Variants in LRRC74A observed in about 807,000 individuals in gnomAD.
The protein encoded by LRRC74A is leucine-rich repeat-containing protein 74A.
LRRC74A carries 44 observed loss-of-function variants against 57.9 expected under a neutral mutation model. The observed-to-expected ratio is 0.76, with a 90% CI of 0.60 to 0.98. The LOEUF is 0.98. Ranked by LOEUF, LRRC74A falls within the 50% of genes least tolerant of loss-of-function variation. The pLI, the probability that LRRC74A is intolerant of heterozygous loss-of-function variation, is 0.00. For missense variants in LRRC74A, 572 were observed against 574.0 expected (o/e 1.00, Z 0.04); for synonymous variants, 211 against 219.4 (o/e 0.96, Z 0.34).
rs1417558277 is a variant in LRRC74A at position 76,832,670 on chromosome 14, G to T, written c.339+1295G>T. Among the ~76,000 whole-genome samples, 8 of 152,280 alleles carry T rather than the reference G, an allele frequency of 5.3e-5. No homozygotes were observed. The South Asian group carries it at 1.7e-3, about 32-fold the overall frequency. On this transcript the variant is annotated intron_variant, in intron 3 of 13. Coordinates refer to ENST00000689127, the MANE Select transcript of LRRC74A (RefSeq NM_001385106.1). ...GGCTGAAAAATTAGGATCATTGATT[G>T]GTCGGGACAAGGGGGATTAAATCAT...
chr14:76,846,394 C>A (rs1238940225), intron 7 of LRRC74A, among the ~76,000 whole-genome samples: 1 of 152,148 alleles, frequency 6.6e-6, no homozygotes, highest in Non-Finnish European at 1.5e-5. Context: ...TGCAGAAATT[C>A]CCTCCCATCA....
chr14:76,847,787 G>C (rs1040486706), intron 7 of LRRC74A, among the ~76,000 whole-genome samples: 11 of 152,104 alleles, frequency 7.2e-5, no homozygotes, highest in African/African-American at 2.7e-4. Context: ...AGTGGCTCAT[G>C]CCTGTAATCC....
At chr14:76,868,543 T>C (rs1019534086) in intron 13 of LRRC74A, among the ~76,000 whole-genome samples, 1 of 152,188 alleles carries the variant, frequency 6.6e-6, no homozygotes, top group South Asian at 2.1e-4. Flanking sequence ...ACTCCAGGCC[T>C]GAGGGGTCCA....
chr14:76,861,058 G>T (rs1333994258), intron 11 of LRRC74A, among the ~76,000 whole-genome samples: 1 of 152,210 alleles, frequency 6.6e-6, no homozygotes, highest in Non-Finnish European at 1.5e-5. Flanking sequence ...GAAGGGAAGG[G>T]CTGAGATCTA....
chr14:76,867,366 TC>T lies in LRRC74A; in HGVS notation c.1324del (p.Leu442Ter). On this transcript the variant is annotated frameshift_variant, in exon 13 of 14. Coordinates refer to ENST00000689127, the MANE Select transcript of LRRC74A (RefSeq NM_001385106.1). LOFTEE classifies it high-confidence loss of function. ...CATCCACCTCCTCAGCAAAACAAGGTCCCCCTGAACCAGTACCAGGTCAGGG... is the reference window on the plus strand; with the variant it reads ...CATCCACCTCCTCAGCAAAACAAGGTCCCCTGAACCAGTACCAGGTCAGGG... ...FQKVMIEQNKVPLNQYQVREV... is the reference protein window; with the variant it reads ...FQKVMIEQNKXPLNQYQVREV... 2 of 1,566,694 alleles carry T rather than the reference TC, an allele frequency of 1.3e-6. No homozygotes were observed. Among genetic ancestry groups the T allele is most frequent in the Non-Finnish European group, 1.8e-6 (2 of 1,139,030 alleles).
intron 10 of LRRC74A, among the ~76,000 whole-genome samples, chr14:76,860,397 C>T (rs1250491370): frequency 6.6e-6 from 1 of 152,214 alleles, no homozygotes; most frequent in African/African-American, 2.4e-5. Flanking sequence ...CACTCCAAAG[C>T]TGTAAATCAT....
intron 8 of LRRC74A, among the ~76,000 whole-genome samples, chr14:76,852,830 G>A (rs961647432): frequency 1.3e-5 from 2 of 152,044 alleles, no homozygotes; most frequent in South Asian, 4.2e-4. Flanking sequence ...TGTTGGCCAG[G>A]CTGGTCTCGA....
intron 11 of LRRC74A, among the ~76,000 whole-genome samples, chr14:76,863,505 G>A (rs147950746): frequency 1.6e-3 from 251 of 152,184 alleles, no homozygotes; most frequent in African/African-American, 5.9e-3. Flanking sequence ...CCGTTCTCAG[G>A]TCTCTACACA....
At chr14:76,842,009 G>A (rs1468874434) in intron 5 of LRRC74A, among the ~76,000 whole-genome samples, 1 of 152,048 alleles carries the variant, frequency 6.6e-6, no homozygotes, top group Non-Finnish European at 1.5e-5. Context: ...ACTGTGCCCA[G>A]CCCCAGGTCT....
intron 11 of LRRC74A, among the ~76,000 whole-genome samples, chr14:76,863,674 G>C (rs896011101): frequency 6.6e-6 from 1 of 152,194 alleles, no homozygotes; most frequent in African/African-American, 2.4e-5. Flanking sequence ...CAAAGTAGCT[G>C]GGCAAGGTTC....
intron 5 of LRRC74A, among the ~76,000 whole-genome samples, chr14:76,842,677 ATT>A: frequency 6.6e-6 from 1 of 152,082 alleles, no homozygotes; most frequent in African/African-American, 2.4e-5. Flanking sequence ...TCATTCATTC[ATT>A]CATTCATTCA....
intron 11 of LRRC74A, 71 bp from the exon 12 acceptor site, chr14:76,865,897 G>T (rs1898742928): frequency 5.0e-6 from 6 of 1,207,180 alleles, no homozygotes; most frequent in Non-Finnish European, 7.2e-6. Flanking sequence ...TCTTTTGTGG[G>T]AGGGAAGGGG....
chr14:76,852,407 A>G lies in LRRC74A; in HGVS notation c.719A>G (p.Asn240Ser). Residue 240 changes from asparagine (N) to serine (S), a missense_variant, in exon 8 of 14, where the codon AAC (asparagine) becomes AGC (serine). Physicochemically the swap from Asn to Ser is conservative, Grantham distance 46. Coordinates refer to ENST00000689127, the MANE Select transcript of LRRC74A (RefSeq NM_001385106.1). ...GLTSLDLSWN[N>S]FHTRGAVALC... is the part of the protein sequence containing the mutation. The stretch of plus-strand genomic sequence containing the variant: ...ACGTCACTGGATCTGAGCTGGAATA[A>G]CTTCCACACAAGGGGAGCTGTGGCC... 3 of 1,612,354 alleles carry G rather than the reference A, an allele frequency of 1.9e-6. No homozygotes were observed. Among genetic ancestry groups the G allele is most frequent in the Non-Finnish European group, 2.5e-6 (3 of 1,179,038 alleles).
rs771394586 is a variant in LRRC74A at position 76,866,092 on chromosome 14, T to C, written c.1308+17T>C. On this transcript the variant is annotated intron_variant, in intron 12 of 13. Transcript: ENST00000689127. ...ATGATAGAGGTGTGCTGGGTCCTAG[T>C]GGCAACAGGCTGTGTGTGAGTGTGA... 1 of 1,482,650 alleles carries C rather than the reference T, an allele frequency of 6.7e-7. No individual in the cohort carries two copies. The highest frequency in any genetic ancestry group is 1.9e-5 in the Admixed American group (1 of 53,662). The allele number at this position is 1,482,650 out of a possible 1,614,324, so 91.8% of individuals were successfully genotyped here. A position where few individuals can be genotyped will look rare whatever the true frequency, so the allele number is the denominator to read the frequency against.
intron 13 of LRRC74A, among the ~76,000 whole-genome samples, 157 bp downstream of exon 13, chr14:76,867,595 C>T (rs370133182): frequency 5.3e-5 from 8 of 152,138 alleles, no homozygotes; most frequent in South Asian, 2.1e-4. Flanking sequence ...TGTCTACCCC[C>T]CTTCTCATCC....
Position 76,853,324 on chromosome 14 carries a change from G to A in LRRC74A, c.871G>A (p.Asp291Asn), listed in dbSNP as rs769387837. The A allele has an allele frequency of 1.2e-6, 2 of 1,613,250 alleles. No individual in the cohort carries two copies. The highest frequency in any genetic ancestry group is 1.7e-6 in the Non-Finnish European group (2 of 1,179,640). ...LRLNRCLVYL[D>N]IGGNDIGNEG... is the part of the protein sequence containing the mutation. The stretch of plus-strand genomic sequence containing the variant: ...ACTCAACCGCTGCCTGGTCTACCTG[G>A]ATATCGGTGGCAATGACATCGGCAA... The change falls in exon 9 of 14, where the codon GAT becomes AAT. Residue 291 changes from aspartate (D) to asparagine (N), a missense_variant. Asp to Asn is a conservative substitution (Grantham distance 23). Transcript: ENST00000689127.
chr14:76,854,554 C>T (rs534257898), intron 9 of LRRC74A, among the ~76,000 whole-genome samples: 27 of 152,116 alleles, frequency 1.8e-4, no homozygotes, highest in African/African-American at 6.3e-4. Context: ...TGCAGTGAGC[C>T]GAGACCATGC....
At chr14:76,864,532 A>G (rs1708838370) in intron 11 of LRRC74A, among the ~76,000 whole-genome samples, 1 of 152,060 alleles carries the variant, frequency 6.6e-6, no homozygotes, top group South Asian at 2.1e-4. Flanking sequence ...AGAAAAAAAA[A>G]TACTTAAAAA....
In LRRC74A at chr14:76,843,287, CAAAAAAAAAAAAAA is replaced by C. The variant is rs59087508; in HGVS notation, c.545-1113_545-1100del. On this transcript the variant is annotated intron_variant, in intron 5 of 13. Coordinates refer to ENST00000689127, the MANE Select transcript of LRRC74A (RefSeq NM_001385106.1). Reference sequence around the variant, plus strand: ...TGGGTGACAGAGCGAGACTCCGTCTCAAAAAAAAAAAAAAAAAAAAAAAAAAAAAAAAAAAACTT... The same window carrying C: ...TGGGTGACAGAGCGAGACTCCGTCTCAAAAAAAAAAAAAAAAAAAAAACTT... Among the ~76,000 whole-genome samples the C allele has an allele frequency of 4.8e-3, 630 of 130,468 alleles. 13 individuals carry two copies. The highest frequency in any genetic ancestry group is 0.012 in the African/African-American group (393 of 32,268). The allele number at this position is 130,468 out of a possible 152,430, so 85.6% of individuals were successfully genotyped here.
Sources: allele counts gnomAD v4.1 joint callset (sites outside exome capture counted in the v4.1 genomes callset), GRCh38; gene constraint gnomAD v4.1.1; transcripts MANE v1.5; gene names NCBI Gene and HGNC (gene_info 2026-07-23, HGNC 2026-07-21).